Variants in PALD1 observed in about 807,000 individuals in gnomAD.
PALD1 encodes the protein paladin.
In PALD1, 57 loss-of-function variants were observed where a neutral mutation model predicts 96.0. The ratio of observed to expected loss-of-function variants is 0.59; its 90% CI spans 0.48 to 0.74. The LOEUF is 0.74. Among genes scored for constraint, PALD1 ranks in the 30% least tolerant of loss-of-function variants. PALD1 has a pLI of 0.00. For synonymous variants in PALD1, 464 were observed against 473.6 expected (o/e 0.98, Z 0.26); for missense variants, 1,063 against 1,143.7 (o/e 0.93, Z 1.02).
the PALD1 span, among the ~76,000 whole-genome samples, chr10:70,466,624 C>T: frequency 6.6e-6 from 1 of 152,344 alleles, no homozygotes; most frequent in East Asian, 1.9e-4. Flanking sequence ...CATCCATCTC[C>T]AGAAGCTTTA....
intron 18 of PALD1, among the ~76,000 whole-genome samples, chr10:70,556,944 C>T (rs1170048622): frequency 6.6e-6 from 1 of 152,210 alleles, no homozygotes; most frequent in Admixed American, 6.5e-5. Flanking sequence ...CCCTGCCTGG[C>T]ACAAGTAGGG....
chr10:70,538,252 T>C (rs371154070), intron 11 of PALD1, 28 bp from the exon 12 acceptor site: 307 of 1,598,754 alleles, frequency 1.9e-4, no homozygotes, highest in Non-Finnish European at 2.5e-4. Context: ...TGCCCCTGAA[T>C]TCCTCGTCTC....
intron 1 of PALD1, 74 bp from the exon 2 acceptor site, chr10:70,525,849 G>A: frequency 8.5e-7 from 1 of 1,171,778 alleles, no homozygotes; most frequent in Non-Finnish European, 1.2e-6. Context: ...ATGGTGGAGG[G>A]CGAGAGGTGG....
intron 9 of PALD1, 40 bp downstream of exon 9, chr10:70,534,564 G>A (rs1315502907): frequency 3.4e-6 from 5 of 1,452,752 alleles, no homozygotes; most frequent in Non-Finnish European, 4.8e-6. Context: ...AGGGGTGGTG[G>A]AGGGGACGGT....
At chr10:70,513,967 T>A (rs1010420523) in intron 1 of PALD1, among the ~76,000 whole-genome samples, 9 of 152,064 alleles carry the variant, frequency 5.9e-5, no homozygotes, top group African/African-American at 2.2e-4. Context: ...GCCTGCCAGG[T>A]GAGCTGAGAG....
chr10:70,501,813 C>CTGTGTGTGTGTGTGTG (rs71012209), intron 1 of PALD1, among the ~76,000 whole-genome samples: 7,193 of 139,174 alleles, frequency 0.052, 268 homozygotes, highest in East Asian at 0.15. Context: ...CATTTTTACT[C>CTGTGTGTGTGTGTGTG]TGTGTGTGTG....
rs928379650 is a variant in PALD1 at position 70,534,591 on chromosome 10, C to A, written c.1122+67C>A. 3.2e-6 allele frequency: 4 copies of A among 1,260,426 alleles called. No individual in the cohort carries two copies. The Admixed American group carries it at 7.6e-5, about 24-fold the overall frequency. 78.1% of individuals were successfully genotyped at this position (1,260,426 alleles called of 1,614,324 possible). On this transcript the variant is annotated intron_variant, in intron 9 of 19. Coordinates refer to ENST00000263563, the MANE Select transcript of PALD1 (RefSeq NM_014431.3). ...GGGGACGGTCACTCCTCTCACTGGT[C>A]GGGGCTCTCTTCCTTCCCGATACCC...
At chr10:70,553,068 G>T (rs74139687) in intron 18 of PALD1, among the ~76,000 whole-genome samples, 2 of 152,242 alleles carry the variant, frequency 1.3e-5, no homozygotes, top group African/African-American at 2.4e-5. Flanking sequence ...TGGGGGTGCC[G>T]TATGCTGCTG....
chr10:70,548,503 C>T (rs1315168002), intron 18 of PALD1, among the ~76,000 whole-genome samples: 1 of 152,180 alleles, frequency 6.6e-6, no homozygotes, highest in Non-Finnish European at 1.5e-5. Context: ...GGAGTATTCA[C>T]TTCTGTTCCT....
intron 1 of PALD1, among the ~76,000 whole-genome samples, chr10:70,508,829 G>GTGTA (rs1846453024): frequency 4.9e-5 from 3 of 60,832 alleles, no homozygotes; most frequent in Non-Finnish European, 3.7e-5. Context: ...GCAGGCCTGT[G>GTGTA]GGAGCTGCGG....
At chr10:70,517,483 A>G (rs1322874463) in intron 1 of PALD1, among the ~76,000 whole-genome samples, 24 of 152,026 alleles carry the variant, frequency 1.6e-4, no homozygotes, top group Admixed American at 1.6e-3. Flanking sequence ...CCGGGACTAC[A>G]GGCATGTGCC....
intron 1 of PALD1, 113 bp from the exon 2 acceptor site, chr10:70,525,810 C>T (rs1846847456): frequency 3.8e-6 from 3 of 799,528 alleles, no homozygotes; most frequent in South Asian, 3.3e-5. Context: ...CCTCTGTCTC[C>T]AGCTGCAGAG....
At position 70,533,982 on chromosome 10, in the gene PALD1, A is replaced by C; in HGVS notation, c.931A>C (p.Ser311Arg). 1 of 1,613,248 alleles carries C rather than the reference A, an allele frequency of 6.2e-7. No homozygotes were observed. Among genetic ancestry groups the C allele is most frequent in the Non-Finnish European group, 8.5e-7 (1 of 1,179,600 alleles). ...CGGGCCTCCCCCAGCCCTCGTCTTC[A>C]GCTGCCAGATGGGCGTGGGCAGGAC... ...AHGPPPALVF[S>R]CQMGVGRTNL... Residue 311 changes from serine (S) to arginine (R), a missense_variant, in exon 8 of 20, where the codon AGC becomes CGC. Ser to Arg is a moderately radical substitution (Grantham distance 110). Coordinates refer to ENST00000263563, the MANE Select transcript of PALD1 (RefSeq NM_014431.3).
At chr10:70,559,383 TG>T (rs1847687068) in intron 18 of PALD1, among the ~76,000 whole-genome samples, 3 of 152,068 alleles carry the variant, frequency 2.0e-5, no homozygotes, top group Admixed American at 6.6e-5. Context: ...AGGCAGACTG[TG>T]GGGCCTTTTC....
At chr10:70,532,267 C>T (rs941728289) in intron 5 of PALD1, among the ~76,000 whole-genome samples, 2 of 152,204 alleles carry the variant, frequency 1.3e-5, no homozygotes, top group African/African-American at 2.4e-5. Context: ...CGAGGCCATG[C>T]CGGCGCCCAG....
intron 1 of PALD1, among the ~76,000 whole-genome samples, chr10:70,512,848 C>T (rs566033169): frequency 6.6e-6 from 1 of 152,360 alleles, no homozygotes; most frequent in Admixed American, 6.5e-5. Flanking sequence ...ACCCCCTGCT[C>T]ACCTCCTCCA....
intron 1 of PALD1, among the ~76,000 whole-genome samples, chr10:70,489,337 G>C (rs151271310): frequency 1.9e-3 from 285 of 152,300 alleles, no homozygotes; most frequent in African/African-American, 6.4e-3. Flanking sequence ...CACTGCCATC[G>C]ATGTGTAGAT....
intron 1 of PALD1, among the ~76,000 whole-genome samples, chr10:70,515,594 C>T (rs1263386727): frequency 3.9e-5 from 6 of 152,182 alleles, no homozygotes; most frequent in African/African-American, 1.4e-4. Flanking sequence ...CAGGGTCAGC[C>T]ATGGTGTGGG....
At chr10:70,520,133 A>C (rs952777361) in intron 1 of PALD1, among the ~76,000 whole-genome samples, 1 of 152,072 alleles carries the variant, frequency 6.6e-6, no homozygotes, top group Admixed American at 6.5e-5. Flanking sequence ...CGGGGAGGGC[A>C]GGAAAAAGGG....
Sources: gnomAD v4.1 joint callset for allele counts (sites outside exome capture counted in the v4.1 genomes callset) on GRCh38, gnomAD v4.1.1 for gene constraint, MANE v1.5 for transcripts, NCBI Gene and HGNC (gene_info 2026-07-23, HGNC 2026-07-21) for gene names.